The following TATDN2 variants were observed in gnomAD, a reference collection of about 807,000 sequenced individuals.
TATDN2 encodes TatD DNase domain containing 2.
A neutral mutation model predicts 60.3 loss-of-function variants in TATDN2; 44 were observed. The observed-to-expected ratio is 0.73, with a 90% CI of 0.57 to 0.94. TATDN2 has a LOEUF of 0.94. TATDN2 is among the 40% of genes least tolerant of loss of function. The pLI, the probability that TATDN2 is intolerant of heterozygous loss-of-function variation, is 0.00. For missense variants in TATDN2, 997 were observed against 948.0 expected (o/e 1.05, Z -0.68); for synonymous variants, 399 against 355.8 (o/e 1.12, Z -1.37).
intron 2 of TATDN2, among the ~76,000 whole-genome samples, chr3:10,255,603 A>G (rs1412763437): frequency 7.5e-6 from 1 of 133,950 alleles, no homozygotes; most frequent in Non-Finnish European, 1.5e-5. Context: ...GTAGCCTGCT[A>G]GGTCCTTAAC....
At chr3:10,277,214 T>G (rs537886988) in intron 5 of TATDN2, among the ~76,000 whole-genome samples, 15 of 152,238 alleles carry the variant, frequency 9.9e-5, no homozygotes, top group African/African-American at 3.6e-4. Context: ...TCCCCAGTTA[T>G]GAAAATCAAG....
chr3:10,262,080 C>T (rs894712207), intron 3 of TATDN2, among the ~76,000 whole-genome samples: 24 of 152,194 alleles, frequency 1.6e-4, no homozygotes, highest in African/African-American at 5.8e-4. Flanking sequence ...TGGTACCTTT[C>T]ACTAATTAAT....
chr3:10,272,280 A>G (rs1576015366), intron 4 of TATDN2, among the ~76,000 whole-genome samples: 1 of 151,194 alleles, frequency 6.6e-6, no homozygotes, highest in African/African-American at 2.4e-5. Context: ...AATTAAAAAT[A>G]AAAATTTTTT....
intron 2 of TATDN2, among the ~76,000 whole-genome samples, chr3:10,254,921 C>T (rs771611753): frequency 4.6e-5 from 7 of 152,246 alleles, no homozygotes; most frequent in East Asian, 3.9e-4. Flanking sequence ...TCCTCGGTGT[C>T]GTTGATCCAT....
At chr3:10,253,352 C>T (rs914604965) in intron 2 of TATDN2, among the ~76,000 whole-genome samples, 6 of 152,096 alleles carry the variant, frequency 3.9e-5, no homozygotes, top group African/African-American at 9.7e-5. Context: ...CCTTCTCCCA[C>T]CAGCCTTTAA....
At chr3:10,265,948 G>C (rs573597347) in intron 3 of TATDN2, among the ~76,000 whole-genome samples, 1 of 152,252 alleles carries the variant, frequency 6.6e-6, no homozygotes, top group African/African-American at 2.4e-5. Flanking sequence ...TCCAATTCCT[G>C]AGTCTTTCTG....
rs1276027695 is a variant in TATDN2, at chr3:10,279,057, A to C, written c.*32A>C. The C allele has an allele frequency of 1.3e-6, 2 of 1,598,518 alleles. No individual in the cohort carries two copies. The highest frequency in any genetic ancestry group is 2.3e-5 in the South Asian group (2 of 88,228). ...AAGGTACAGTCCTCGGGAGTCTCCTAGAAAAGGTCGTAAAACTCACATTCT... is the reference window on the plus strand; with the variant it reads ...AAGGTACAGTCCTCGGGAGTCTCCTCGAAAAGGTCGTAAAACTCACATTCT... On this transcript the variant is annotated 3_prime_UTR_variant, in exon 7 of 8. Coordinates refer to ENST00000448281, the MANE Select transcript of TATDN2 (RefSeq NM_014760.4).
chr3:10,251,858 T>TC (rs976522102), intron 2 of TATDN2, among the ~76,000 whole-genome samples: 1 of 150,844 alleles, frequency 6.6e-6, no homozygotes, highest in African/African-American at 2.4e-5. Context: ...ATTAAAAATT[T>TC]TTTTTTTGGG....
At chr3:10,249,712 A>G in intron 2 of TATDN2, 98 bp downstream of exon 2, 1 of 1,342,158 alleles carries the variant, frequency 7.5e-7, no homozygotes, top group Non-Finnish European at 9.7e-7. Flanking sequence ...ACAAAACATT[A>G]CATCCTTGAA....
Position 10,278,210 on chromosome 3 carries a change from G to A in TATDN2, c.1962-69G>A. The A allele has an allele frequency of 6.6e-7, 1 of 1,526,372 alleles. No individual in the cohort carries two copies. Among genetic ancestry groups the A allele is most frequent in the South Asian group, 1.2e-5 (1 of 83,214 alleles). 94.6% of individuals were successfully genotyped at this position (1,526,372 alleles called of 1,614,324 possible). On this transcript the variant is annotated intron_variant, in intron 5 of 7. Coordinates refer to ENST00000448281, the MANE Select transcript of TATDN2 (RefSeq NM_014760.4). The surrounding 1 kb of genome is among the most constrained non-coding windows in gnomAD (Gnocchi z 4.7). ...GGGAATCATTGAAAAGGGGTGATGGGTGTGGGGGGAGCTGGGGGCTGCTGC... is the reference window on the plus strand; with the variant it reads ...GGGAATCATTGAAAAGGGGTGATGGATGTGGGGGGAGCTGGGGGCTGCTGC...
At chr3:10,252,602 A>G (rs1488027676) in intron 2 of TATDN2, among the ~76,000 whole-genome samples, 1 of 152,106 alleles carries the variant, frequency 6.6e-6, no homozygotes, top group Admixed American at 6.6e-5. Flanking sequence ...TCCTTCAGCA[A>G]GCACAGCCGA....
intron 3 of TATDN2, among the ~76,000 whole-genome samples, chr3:10,265,761 A>G (rs1383302945): frequency 2.1e-5 from 3 of 142,130 alleles, no homozygotes; most frequent in Non-Finnish European, 4.6e-5. Flanking sequence ...TTGCACCTTT[A>G]TTTTTCTGTG....
intron 2 of TATDN2, 107 bp from the exon 3 acceptor site, chr3:10,260,030 C>T: frequency 7.5e-7 from 1 of 1,334,560 alleles, no homozygotes; most frequent in Non-Finnish European, 1.0e-6. Context: ...GCCACAGTCA[C>T]TTTCCCTTTG....
At position 10,260,614 on chromosome 3, in the gene TATDN2, T is replaced by C; in HGVS notation, c.892T>C (p.Cys298Arg). 6.2e-7 allele frequency: 1 copy of C among 1,614,132 alleles called. No individual in the cohort carries two copies. The highest frequency in any genetic ancestry group is 8.5e-7 in the Non-Finnish European group (1 of 1,180,026). Residue 298 changes from cysteine (C) to arginine (R), a missense_variant, in exon 3 of 8, where the codon TGC (cysteine) becomes CGC (arginine). Coordinates refer to ENST00000448281, the MANE Select transcript of TATDN2 (RefSeq NM_014760.4). ...LGDRRTVIDK[C>R]SPPLEFLDDS... ...GGACCGAAGGACTGTCATTGACAAATGCTCTCCACCCCTAGAGTTCTTGGA... is the reference window on the plus strand; with the variant it reads ...GGACCGAAGGACTGTCATTGACAAACGCTCTCCACCCCTAGAGTTCTTGGA...
Position 10,270,118 on chromosome 3 carries a change from T to G in TATDN2, c.949-13T>G. 6.2e-7 allele frequency: 1 copy of G among 1,601,566 alleles called. No homozygotes were observed. The highest frequency in any genetic ancestry group is 1.1e-5 in the South Asian group (1 of 88,462). ...GAAGGCTAACCCACTGTTGTATGCC[T>G]TCTTTTCTGCAGCATAAAGATAGGG... On this transcript the variant is annotated splice_polypyrimidine_tract_variant and intron_variant, in intron 3 of 7. Coordinates refer to ENST00000448281, the MANE Select transcript of TATDN2 (RefSeq NM_014760.4).
At chr3:10,253,093 G>A (rs1308341441) in intron 2 of TATDN2, among the ~76,000 whole-genome samples, 1 of 151,808 alleles carries the variant, frequency 6.6e-6, no homozygotes, top group East Asian at 1.9e-4. Context: ...TCTTGACCTC[G>A]TGATCCGCCT....
intron 4 of TATDN2, among the ~76,000 whole-genome samples, chr3:10,272,592 C>T (rs1322556509): frequency 6.6e-6 from 1 of 152,176 alleles, no homozygotes; most frequent in South Asian, 2.1e-4. Flanking sequence ...ACTCCCGCCA[C>T]CACGCCCAGC....
Position 10,269,033 on chromosome 3 carries a change from G to A in TATDN2, c.949-1098G>A, listed in dbSNP as rs185160625. On this transcript the variant is annotated intron_variant, in intron 3 of 7. Coordinates refer to ENST00000448281, the MANE Select transcript of TATDN2 (RefSeq NM_014760.4). Reference sequence around the variant, plus strand: ...CCCATGTAGTTCCTTTCAGATTTTGGCGAGGGCTGTCGTCATCTGAGAGTG... The same window carrying A: ...CCCATGTAGTTCCTTTCAGATTTTGACGAGGGCTGTCGTCATCTGAGAGTG... 5.6e-4 allele frequency among the ~76,000 whole-genome samples: 85 copies of A among 152,300 alleles called. 1 individual carries two copies. In the South Asian group the frequency reaches 0.013, roughly 24 times the overall value.
chr3:10,277,514 G>A (rs1269423575), intron 5 of TATDN2, among the ~76,000 whole-genome samples: 1 of 152,196 alleles, frequency 6.6e-6, no homozygotes, highest in Non-Finnish European at 1.5e-5. Flanking sequence ...AGAGGGGTTG[G>A]CTGAATAACA....
Sources: gnomAD v4.1 joint callset for allele counts (sites outside exome capture counted in the v4.1 genomes callset) on GRCh38, gnomAD v4.1.1 for gene constraint, Gnocchi (gnomAD v3.1) non-coding constraint, MANE v1.5 for transcripts, NCBI Gene and HGNC (gene_info 2026-07-23, HGNC 2026-07-21) for gene names.